The following TENM3 variants were observed in gnomAD, a reference collection of about 807,000 sequenced individuals.
The protein encoded by TENM3 is teneurin-3.
TENM3 carries 63 observed loss-of-function variants against 255.1 expected under a neutral mutation model. That is an observed-to-expected ratio of 0.25 (90% CI 0.20 to 0.30). TENM3 has a LOEUF of 0.30. TENM3 is among the 10% of genes least tolerant of loss of function. The pLI, the probability that TENM3 is intolerant of heterozygous loss-of-function variation, is 1.00. For missense variants in TENM3, 2,929 were observed against 3,461.1 expected (o/e 0.85, Z 3.86); for synonymous variants, 1,306 against 1,322.3 (o/e 0.99, Z 0.27).
In TENM3 at chr4:182,697,044, A is replaced by T. The variant is rs544869551; in HGVS notation, c.2221+8693A>T. 1.2e-3 allele frequency among the ~76,000 whole-genome samples: 179 copies of T among 152,250 alleles called. 1 individual carries two copies. Among genetic ancestry groups the T allele is most frequent in the African/African-American group, 3.9e-3 (162 of 41,552 alleles). ...ACTACCTCGTAGAGTCCCTGAGAGTATTAAATGGGTCAGGTCATGTGGAAG... is the reference window on the plus strand; with the variant it reads ...ACTACCTCGTAGAGTCCCTGAGAGTTTTAAATGGGTCAGGTCATGTGGAAG... On this transcript the variant is annotated intron_variant, in intron 12 of 27. Transcript: ENST00000511685.
At chr4:181,931,968 A>G in the TENM3 span, among the ~76,000 whole-genome samples, 2 of 152,338 alleles carry the variant, frequency 1.3e-5, no homozygotes, top group African/African-American at 4.8e-5. Flanking sequence ...AGCCATATGC[A>G]GAAAACTGAA....
the TENM3 span, among the ~76,000 whole-genome samples, chr4:181,736,362 G>T: frequency 6.6e-6 from 1 of 152,080 alleles, no homozygotes; most frequent in Non-Finnish European, 1.5e-5. Context: ...AAAGAGTAGA[G>T]GTTGTCACAC....
chr4:182,701,210 CTTTTTTTTT>C (rs35538818), intron 12 of TENM3, among the ~76,000 whole-genome samples: 36 of 38,668 alleles, frequency 9.3e-4, no homozygotes, highest in African/African-American at 3.3e-3. Context: ...CAACTCTTGA[CTTTTTTTTT>C]TTTTTTTTTT....
chr4:181,594,132 C>T, the TENM3 span, among the ~76,000 whole-genome samples: 4 of 151,904 alleles, frequency 2.6e-5, no homozygotes, highest in Non-Finnish European at 4.4e-5. Context: ...TGCTTCTAGA[C>T]TGAGAAAACA....
chr4:182,323,019 C>T (rs568828571), intron 1 of TENM3, among the ~76,000 whole-genome samples: 3 of 152,176 alleles, frequency 2.0e-5, no homozygotes, highest in African/African-American at 7.2e-5. Flanking sequence ...GGAGAGACAA[C>T]ATGAGAAGGA....
At chr4:182,770,854 A>G (rs2152790877) in intron 22 of TENM3, among the ~76,000 whole-genome samples, 1 of 152,282 alleles carries the variant, frequency 6.6e-6, no homozygotes, top group African/African-American at 2.4e-5. Context: ...GAGGACCCTG[A>G]CACCGGAGCA....
intron 5 of TENM3, 124 bp downstream of exon 5, chr4:182,629,013 G>T: frequency 1.5e-6 from 1 of 651,082 alleles, no homozygotes; most frequent in South Asian, 2.0e-5. Context: ...GGTGAGTTTG[G>T]TAATAATGTA....
chr4:181,950,427 C>A, the TENM3 span, among the ~76,000 whole-genome samples: 1 of 152,198 alleles, frequency 6.6e-6, no homozygotes, highest in Non-Finnish European at 1.5e-5. Flanking sequence ...AAACTTTTCA[C>A]TTCCTGTATT....
intron 1 of TENM3, among the ~76,000 whole-genome samples, chr4:182,273,141 C>G (rs1759756700): frequency 6.6e-6 from 1 of 152,162 alleles, no homozygotes; most frequent in Non-Finnish European, 1.5e-5. Flanking sequence ...CAGACATAAT[C>G]ATAACAAAAT....
chr4:182,468,934 A>C (rs1282206889), intron 3 of TENM3, among the ~76,000 whole-genome samples: 1 of 150,604 alleles, frequency 6.6e-6, no homozygotes, highest in African/African-American at 2.4e-5. Context: ...ATAATCACTA[A>C]TTTATCTATA....
At chr4:182,289,665 CCTT>C (rs1180384297) in intron 1 of TENM3, among the ~76,000 whole-genome samples, 2 of 152,212 alleles carry the variant, frequency 1.3e-5, no homozygotes, top group Non-Finnish European at 2.9e-5. Flanking sequence ...GAAAGCAACT[CCTT>C]CACCTGCTGA....
the TENM3 span, among the ~76,000 whole-genome samples, chr4:181,481,436 A>G: frequency 1.3e-5 from 2 of 152,134 alleles, no homozygotes; most frequent in South Asian, 2.1e-4. Context: ...GTAATTCGTA[A>G]TTTTCCAATT....
the TENM3 span, among the ~76,000 whole-genome samples, chr4:181,581,336 G>A: frequency 4.2e-4 from 64 of 152,232 alleles, no homozygotes; most frequent in African/African-American, 1.5e-3. Flanking sequence ...AGCTACTCGG[G>A]AGGCTGAGGC....
At chr4:181,586,741 A>G in the TENM3 span, among the ~76,000 whole-genome samples, 859 of 152,132 alleles carry the variant, frequency 5.6e-3, 11 homozygotes, top group African/African-American at 0.02. Flanking sequence ...TCGGGAGGCC[A>G]AGGCAGGAGA....
chr4:182,775,177 A>G, intron 24 of TENM3, 24 bp downstream of exon 24: 1 of 1,602,504 alleles, frequency 6.2e-7, no homozygotes, highest in Non-Finnish European at 8.5e-7. Context: ...GTGGAGCAGG[A>G]GATAGCTGCA....
At chr4:181,930,186 T>TA in the TENM3 span, among the ~76,000 whole-genome samples, 4 of 149,006 alleles carry the variant, frequency 2.7e-5, no homozygotes. Flanking sequence ...GCAGAACTGA[T>TA]AAAAACACGA....
intron 3 of TENM3, among the ~76,000 whole-genome samples, chr4:182,412,465 T>C (rs1770054160): frequency 6.6e-6 from 1 of 152,064 alleles, no homozygotes; most frequent in Non-Finnish European, 1.5e-5. Flanking sequence ...GTGAAATCAG[T>C]GTTTGGAAGA....
At chr4:181,503,089 G>GCAGC in the TENM3 span, among the ~76,000 whole-genome samples, 2 of 152,162 alleles carry the variant, frequency 1.3e-5, no homozygotes, top group Non-Finnish European at 2.9e-5. Context: ...AGCTGGACAT[G>GCAGC]CAGTGCCTCA....
the TENM3 span, among the ~76,000 whole-genome samples, chr4:181,736,419 C>T: frequency 1.3e-5 from 2 of 152,064 alleles, no homozygotes; most frequent in Admixed American, 6.6e-5. Context: ...GATAAGACAA[C>T]AGAACTAGAC....
Sources: gnomAD v4.1 joint callset for allele counts (sites outside exome capture counted in the v4.1 genomes callset) on GRCh38, gnomAD v4.1.1 for gene constraint, MANE v1.5 for transcripts, NCBI Gene and HGNC (gene_info 2026-07-23, HGNC 2026-07-21) for gene names.